Variants in MYB observed in about 807,000 individuals in gnomAD.
The protein encoded by MYB is MYB proto-oncogene, transcription factor.
A neutral mutation model predicts 92.9 loss-of-function variants in MYB; 28 were observed. That is an observed-to-expected ratio of 0.30 (90% CI 0.22 to 0.41). The LOEUF (loss-of-function observed/expected upper bound fraction) is 0.41. MYB is among the 10% of genes least tolerant of loss of function. The pLI is 1.00. For missense variants in MYB, 679 were observed against 929.3 expected, an observed-to-expected ratio of 0.73 and a Z score of 3.50; for synonymous variants, 295 against 329.1, an observed-to-expected ratio of 0.90 and a Z score of 1.12.
rs539138156 is a variant in MYB at position 135,214,230 on chromosome 6, A to G, written c.2170-3634A>G. On this transcript the variant is annotated intron_variant, in intron 15 of 15. Transcript: ENST00000341911. ...CCAGGAGTTTGAGGGAGCTGTGATC[A>G]CGCCCCTGCACTCCAGCCTGGGCAA... 3.2e-4 allele frequency among the ~76,000 whole-genome samples: 49 copies of G among 152,192 alleles called. 1 individual carries two copies. In the South Asian group the frequency reaches 0.01, roughly 32 times the overall value.
At chr6:135,206,897 T>C (rs892103804) in intron 15 of MYB, among the ~76,000 whole-genome samples, 1 of 152,242 alleles carries the variant, frequency 6.6e-6, no homozygotes, top group Non-Finnish European at 1.5e-5. Context: ...ATGTGATTTC[T>C]AAAATGTTTC....
In MYB at chr6:135,182,591, G is replaced by A. The variant is rs952630149; in HGVS notation, c.23+1055G>A. Among the ~76,000 whole-genome samples the A allele has an allele frequency of 1.9e-4, 29 of 151,996 alleles. No homozygotes were observed. Among genetic ancestry groups the A allele is most frequent in the Non-Finnish European group, 3.8e-4 (26 of 67,976 alleles). On this transcript the variant is annotated intron_variant, in intron 1 of 15. Coordinates refer to ENST00000341911, the MANE Select transcript of MYB (RefSeq NM_001130173.2). This position sits in a 1 kb window ranked among gnomAD's most constrained non-coding sequence, Gnocchi z 5.6. ...GCGGCTGAGGTCGCCGCGCCTTCTC[G>A]CACCCTCCTTCAGCCGCCTTAGGTC... is the stretch of plus-strand genomic sequence containing the variant.
At chr6:135,206,205 C>CAAAAAAA (rs67836018) in intron 15 of MYB, among the ~76,000 whole-genome samples, 61 of 87,262 alleles carry the variant, frequency 7.0e-4, no homozygotes, top group Middle Eastern at 7.9e-3. Flanking sequence ...GACTCCATCT[C>CAAAAAAA]AAAAAAAAAA....
At position 135,201,665 on chromosome 6, in the gene MYB, A is replaced by G; in HGVS notation, c.1977A>G (p.Gly659=). 5 of 1,605,000 alleles carry G rather than the reference A, an allele frequency of 3.1e-6. No homozygotes were observed. Among genetic ancestry groups the G allele is most frequent in the Non-Finnish European group, 4.3e-6 (5 of 1,174,468 alleles). Residue 659 remains glycine, a synonymous_variant, in exon 14 of 16, where the codon GGA becomes GGG. Coordinates refer to ENST00000341911, the MANE Select transcript of MYB (RefSeq NM_001130173.2). ...TGGAATCTCCAACTGATAAATCAGG[A>G]AACTTCTTCTGCTCACACCACTGGG... ...QEVESPTDKS[G]NFFCSHHWEG...
chr6:135,196,801 G>A, intron 9 of MYB, 160 bp from the exon 10 acceptor site: 1 of 1,568,026 alleles, frequency 6.4e-7, no homozygotes, highest in African/African-American at 1.3e-5. Context: ...CTGCTCTACT[G>A]CAGTATAATA....
chr6:135,203,699 T>G lies in MYB; in HGVS notation c.2169+375T>G, dbSNP rs767584626. 7.8e-6 allele frequency: 11 copies of G among 1,419,218 alleles called. No individual in the cohort carries two copies. In the South Asian group the frequency reaches 1.4e-4, roughly 18 times the overall value. 87.9% of individuals were successfully genotyped at this position (1,419,218 alleles called of 1,614,324 possible). ...CTTTATGTTCCAAATTTTTTATTTT[T>G]TATGCTGTATCCCTAGGCAACCAAA... On this transcript the variant is annotated intron_variant, in intron 15 of 15. Coordinates refer to ENST00000341911, the MANE Select transcript of MYB (RefSeq NM_001130173.2).
Position 135,200,311 on chromosome 6 carries a change from G to T in MYB, c.1846G>T (p.Val616Leu). ...TTAGCCTCAGACACCCTCTCATCTA[G>T]TAGAAGATCTGCAGGATGTGATCAA... is the stretch of plus-strand genomic sequence containing the variant. ...KMLPQTPSHL[V>L]EDLQDVIKQE... is the part of the protein sequence containing the mutation. The change falls in exon 13 of 16, where the codon GTA becomes TTA. Residue 616 changes from valine (V) to leucine (L), a missense_variant. Transcript: ENST00000341911. The T allele has an allele frequency of 1.9e-6, 3 of 1,614,108 alleles. No homozygotes were observed. The highest frequency in any genetic ancestry group is 2.5e-6 in the Non-Finnish European group (3 of 1,180,014).
At chr6:135,189,248 T>C (rs1776337908) in intron 3 of MYB, among the ~76,000 whole-genome samples, 1 of 152,226 alleles carries the variant, frequency 6.6e-6, no homozygotes, top group South Asian at 2.1e-4. Flanking sequence ...TGAATCAAAT[T>C]CAGCATCTGT....
chr6:135,188,051 A>G lies in MYB; in HGVS notation c.213+146A>G, dbSNP rs55781373. On this transcript the variant is annotated intron_variant, in intron 3 of 15. Coordinates refer to ENST00000341911, the MANE Select transcript of MYB (RefSeq NM_001130173.2). ...ATGCCCTACCCATAACTTATATTTT[A>G]TATTATAATGCATATAATTAAATTA... 4.8e-3 allele frequency: 1,869 copies of G among 393,290 alleles called. 15 individuals are homozygous for G. Among genetic ancestry groups the G allele is most frequent in the Non-Finnish European group, 6.4e-3 (1,416 of 222,734 alleles). The allele number at this position is 393,290 out of a possible 1,614,324, so 24.4% of individuals were successfully genotyped here.
At chr6:135,183,105 C>G in intron 1 of MYB, among the ~76,000 whole-genome samples, 1 of 150,488 alleles carries the variant, frequency 6.6e-6, no homozygotes, top group East Asian at 2.0e-4. Context: ...GCTCCGCGCC[C>G]CGAGGTCTCG....
chr6:135,217,584 T>C (rs1450175342), intron 15 of MYB, among the ~76,000 whole-genome samples: 1 of 152,184 alleles, frequency 6.6e-6, no homozygotes, highest in Non-Finnish European at 1.5e-5. Context: ...TGTCTCCAGC[T>C]TTGTAAAATT....
intron 15 of MYB, among the ~76,000 whole-genome samples, chr6:135,214,373 A>T (rs1441106089): frequency 6.6e-6 from 1 of 152,210 alleles, no homozygotes; most frequent in East Asian, 1.9e-4. Flanking sequence ...GACTTTGGAA[A>T]AATTCTTAGC....
chr6:135,212,178 AAC>A (rs1165931071), intron 15 of MYB, among the ~76,000 whole-genome samples: 2 of 151,400 alleles, frequency 1.3e-5, no homozygotes, highest in Non-Finnish European at 2.9e-5. Flanking sequence ...TTTAAAACAA[AAC>A]ACAATAAAAA....
chr6:135,189,994 T>A, intron 4 of MYB, 111 bp downstream of exon 4: 1 of 1,384,212 alleles, frequency 7.2e-7, no homozygotes, highest in Non-Finnish European at 1.0e-6. Flanking sequence ...AGTAGAGGAC[T>A]CTATTCCCAT....
chr6:135,192,075 G>A (rs563952928), intron 5 of MYB, among the ~76,000 whole-genome samples: 1 of 152,258 alleles, frequency 6.6e-6, no homozygotes, highest in East Asian at 1.9e-4. Context: ...CCAAGGAAAT[G>A]GAATGGTTAA....
At chr6:135,192,677 G>A (rs1776767408) in intron 6 of MYB, 119 bp downstream of exon 6, 2 of 883,142 alleles carry the variant, frequency 2.3e-6, no homozygotes, top group African/African-American at 1.6e-5. Flanking sequence ...ATCATGGCCA[G>A]TCTTCACCTA....
intron 15 of MYB, among the ~76,000 whole-genome samples, chr6:135,211,742 T>A (rs1779734379): frequency 6.6e-6 from 1 of 152,188 alleles, no homozygotes; most frequent in African/African-American, 2.4e-5. Flanking sequence ...CATTTGCAAT[T>A]GTTAGTTAGG....
intron 8 of MYB, chr6:135,194,713 C>T (rs773140006): frequency 3.5e-6 from 2 of 568,932 alleles, no homozygotes; most frequent in Admixed American, 3.6e-5. Context: ...TTTTTTTCTT[C>T]AGAAGGACTA....
intron 15 of MYB, chr6:135,203,648 T>A: frequency 8.1e-7 from 1 of 1,233,102 alleles, no homozygotes; most frequent in Non-Finnish European, 1.1e-6. Context: ...CTCAAATGTT[T>A]TATAAAAATA....
Sources: allele counts gnomAD v4.1 joint callset (sites outside exome capture counted in the v4.1 genomes callset), GRCh38; gene constraint gnomAD v4.1.1; non-coding constraint Gnocchi (gnomAD v3.1); transcripts MANE v1.5; gene names NCBI Gene and HGNC (gene_info 2026-07-23, HGNC 2026-07-21).